The following NBEAL2 variants were observed in gnomAD, a reference collection of about 807,000 sequenced individuals.
The protein encoded by NBEAL2 is neurobeachin-like protein 2.
A neutral mutation model predicts 299.8 loss-of-function variants in NBEAL2; 160 were observed. That is an observed-to-expected ratio of 0.53 (90% CI 0.47 to 0.61). The LOEUF is 0.61. NBEAL2 is among the 20% of genes least tolerant of loss of function. NBEAL2 has a pLI of 0.00. For synonymous variants in NBEAL2, 1,493 were observed against 1,542.3 expected (o/e 0.97, Z 0.75); for missense variants, 3,112 against 3,649.0 (o/e 0.85, Z 3.79).
rs1014824620 is a variant in NBEAL2, at chr3:46,995,397, G to A, written c.1662G>A (p.Lys554=). Residue 554 remains lysine, a synonymous_variant, in exon 13 of 54, where the codon AAG becomes AAA. Transcript: ENST00000450053. ...DSEPGGAEAG[K]ARHAGAVIRT... ...AACCAGGCGGAGCTGAGGCTGGAAA[G>A]GCCCGACACGCAGGTGCTGTCATCC... The A allele has an allele frequency of 1.2e-6, 2 of 1,612,744 alleles. No homozygotes were observed. Among genetic ancestry groups the A allele is most frequent in the Admixed American group, 1.7e-5 (1 of 60,014 alleles).
rs1247178379 is a variant in NBEAL2 at position 46,991,942 on chromosome 3, G to T, written c.1028G>T (p.Ser343Ile). 1.3e-6 allele frequency: 2 copies of T among 1,595,178 alleles called. No homozygotes were observed. The highest frequency in any genetic ancestry group is 2.7e-5 in the African/African-American group (2 of 74,688). Residue 343 changes from serine (S) to isoleucine (I), a missense_variant, in exon 9 of 54, where the codon AGC becomes ATC. Ser to Ile is a moderately radical substitution (Grantham distance 142, BLOSUM62 -2). Transcript: ENST00000450053. This position sits in a 1 kb window ranked among gnomAD's most constrained non-coding sequence, Gnocchi z 6.2. Reference sequence around the variant, plus strand: ...CACCTCACTCGGCTCATTCAGAACAGCAAGGTGGGTAGGGCCCAGCCTGGG... The same window carrying T: ...CACCTCACTCGGCTCATTCAGAACATCAAGGTGGGTAGGGCCCAGCCTGGG... ...FEHLTRLIQN[S>I]KLYLQSRAPP... is the part of the protein sequence containing the mutation.
At chr3:46,983,378 C>T (rs921041308) in intron 1 of NBEAL2, among the ~76,000 whole-genome samples, 7 of 147,860 alleles carry the variant, frequency 4.7e-5, no homozygotes, top group Non-Finnish European at 1.0e-4. Context: ...GGCATGGTCT[C>T]AGTTCACTGC....
chr3:47,002,064 G>C lies in NBEAL2; in HGVS notation c.4927G>C (p.Asp1643His). The change falls in exon 31 of 54, where the codon GAT (aspartate) becomes CAT (histidine). Residue 1643 changes from aspartate (D) to histidine (H), a missense_variant. By Grantham distance (81) the Asp-to-His change is moderately conservative. Coordinates refer to ENST00000450053, the MANE Select transcript of NBEAL2 (RefSeq NM_015175.3). ...LNTSSLESATDEAGSPLAAAA... is the reference protein window; with the variant it reads ...LNTSSLESATHEAGSPLAAAA... ...CACCTCTTCCTTGGAGTCAGCCACT[G>C]ATGAGGCAGGGTCCCCACTTGCAGC... 1 of 1,552,960 alleles carries C rather than the reference G, an allele frequency of 6.4e-7. No homozygotes were observed. The highest frequency in any genetic ancestry group is 1.2e-5 in the South Asian group (1 of 84,816).
At position 47,001,989 on chromosome 3, in the gene NBEAL2, G is replaced by A. The variant is rs768211103; in HGVS notation, c.4852G>A (p.Ala1618Thr). ...TGCAGTGCCAGCCCGCCGCGAGGAG[G>A]CCTGCTATGTGCTCTCCAAGCTGGA... ...QTAVPARREE[A>T]CYVLSKLEAA... is the part of the protein sequence containing the mutation. Residue 1618 changes from alanine to threonine, a missense_variant, in exon 31 of 54, where the codon GCC (alanine) becomes ACC (threonine). This residue lies in a region of NBEAL2 where 2,243 missense variants were observed against 2,538.1 expected (regional missense o/e 0.88). Coordinates refer to ENST00000450053, the MANE Select transcript of NBEAL2 (RefSeq NM_015175.3). The surrounding 1 kb of genome is among the most constrained non-coding windows in gnomAD (Gnocchi z 6.1). 6 of 1,606,016 alleles carry A rather than the reference G, an allele frequency of 3.7e-6. No individual in the cohort carries two copies. Among genetic ancestry groups the A allele is most frequent in the Non-Finnish European group, 5.1e-6 (6 of 1,176,838 alleles).
chr3:47,001,418 C>T lies in NBEAL2; in HGVS notation c.4624C>T (p.Gln1542Ter), dbSNP rs1036157619. Residue 1542 changes from glutamine to a stop codon, truncating the protein, a stop_gained, in exon 29 of 54, where the codon CAG (glutamine) becomes TAG (stop). Coordinates refer to ENST00000450053, the MANE Select transcript of NBEAL2 (RefSeq NM_015175.3). LOFTEE classifies it high-confidence loss of function. This position sits in a 1 kb window ranked among gnomAD's most constrained non-coding sequence, Gnocchi z 6.1. ...DFLCAEGHGN[Q>*]ELWSEKLFEG... ...CCTGTGTGCTGAAGGCCATGGTAAC[C>T]AGGAACTGTGGAGTGAGAAGGTGCG... 1 of 1,612,884 alleles carries T rather than the reference C, an allele frequency of 6.2e-7. No homozygotes were observed. Among genetic ancestry groups the T allele is most frequent in the Non-Finnish European group, 8.5e-7 (1 of 1,179,784 alleles).
chr3:46,991,985 C>T lies in NBEAL2; in HGVS notation c.1032+39C>T, dbSNP rs1331104626. The stretch of plus-strand genomic sequence containing the variant: ...AGCCTGGGGGTGAGGGTCTGGAAGC[C>T]AGAGGCTAGGGGAGCCACGCATAGG... On this transcript the variant is annotated intron_variant, in intron 9 of 53. Transcript: ENST00000450053. The surrounding 1 kb of genome is among the most constrained non-coding windows in gnomAD (Gnocchi z 6.2). 6.5e-7 allele frequency: 1 copy of T among 1,537,528 alleles called. No individual in the cohort carries two copies. The highest frequency in any genetic ancestry group is 1.4e-5 in the African/African-American group (1 of 73,054).
At position 47,005,858 on chromosome 3, in the gene NBEAL2, A is replaced by G; in HGVS notation, c.6801+11A>G. On this transcript the variant is annotated intron_variant, in intron 42 of 53. Coordinates refer to ENST00000450053, the MANE Select transcript of NBEAL2 (RefSeq NM_015175.3). ...CACCGCCAGGCTCTGGTGAGGAAGG[A>G]ACCACAGGCAAACGGCAGGCAGCCG... The G allele has an allele frequency of 1.2e-6, 2 of 1,613,150 alleles. No individual in the cohort carries two copies. The highest frequency in any genetic ancestry group is 1.7e-6 in the Non-Finnish European group (2 of 1,179,594).
In NBEAL2 at chr3:46,997,550, A is replaced by G; in HGVS notation, c.2825-11A>G. Reference sequence around the variant, plus strand: ...TTGACACACATCTGTCCCCTTCCTGATGGCTGGCAGAGGAACGGATGGAGA... The same window carrying G: ...TTGACACACATCTGTCCCCTTCCTGGTGGCTGGCAGAGGAACGGATGGAGA... On this transcript the variant is annotated splice_polypyrimidine_tract_variant and intron_variant, in intron 19 of 53. Coordinates refer to ENST00000450053, the MANE Select transcript of NBEAL2 (RefSeq NM_015175.3). The G allele has an allele frequency of 6.3e-7, 1 of 1,586,466 alleles. No individual in the cohort carries two copies. Among genetic ancestry groups the G allele is most frequent in the Non-Finnish European group, 8.6e-7 (1 of 1,160,444 alleles).
rs1172922173 is a variant in NBEAL2 at position 46,996,276 on chromosome 3, C to T, written c.2157C>T (p.Phe719=). 5 of 1,606,462 alleles carry T rather than the reference C, an allele frequency of 3.1e-6. No individual in the cohort carries two copies. The highest frequency in any genetic ancestry group is 4.2e-6 in the Non-Finnish European group (5 of 1,179,806). ...CCCCAACCCCGGCCCCACAGCCTTT[C>T]TCCTCCTGCTGTATCGGCTCCGCTG... ...PLRCPSLSEP[F]SSCCIGSAGY... The change falls in exon 16 of 54, where the codon TTC becomes TTT. Residue 719 remains phenylalanine, a synonymous_variant. Coordinates refer to ENST00000450053, the MANE Select transcript of NBEAL2 (RefSeq NM_015175.3).
In NBEAL2 at chr3:46,995,080, G is replaced by A. The variant is rs766537196; in HGVS notation, c.1345G>A (p.Glu449Lys). The A allele has an allele frequency of 6.4e-6, 10 of 1,562,178 alleles. No homozygotes were observed. The highest frequency in any genetic ancestry group is 8.7e-6 in the Non-Finnish European group (10 of 1,151,160). Residue 449 changes from glutamate to lysine, a missense_variant, in exon 13 of 54, where the codon GAG becomes AAG. Physicochemically the swap from Glu to Lys is moderately conservative, Grantham distance 56 (BLOSUM62 1). Coordinates refer to ENST00000450053, the MANE Select transcript of NBEAL2 (RefSeq NM_015175.3). ...SMCPPPPIRN[E>K]QPVLVLAQWL... ...GTGCCCACCTCCACCAATCCGCAAC[G>A]AGCAGCCGGTACTGGTGCTGGCGCA...
At chr3:46,985,755 G>T (rs1036090932) in intron 1 of NBEAL2, among the ~76,000 whole-genome samples, 1 of 152,220 alleles carries the variant, frequency 6.6e-6, no homozygotes, top group Non-Finnish European at 1.5e-5. Flanking sequence ...TTCAGTGGGG[G>T]ACAGGGTTGG....
At chr3:46,993,168 G>C (rs879901965) in intron 10 of NBEAL2, among the ~76,000 whole-genome samples, 1 of 152,194 alleles carries the variant, frequency 6.6e-6, no homozygotes, top group Non-Finnish European at 1.5e-5. Flanking sequence ...GAGCTTACAC[G>C]TCTATTCATC....
chr3:46,999,485 G>T lies in NBEAL2; in HGVS notation c.3703+11G>T, dbSNP rs755875288. On this transcript the variant is annotated intron_variant, in intron 25 of 53. Transcript: ENST00000450053. Reference sequence around the variant, plus strand: ...TGTTCCTGGGGGCAGGTACAACCTGGTTAAGGCCAAGTGGAGGGGGTGACA... The same window carrying T: ...TGTTCCTGGGGGCAGGTACAACCTGTTTAAGGCCAAGTGGAGGGGGTGACA... 7.6e-6 allele frequency: 12 copies of T among 1,579,998 alleles called. No individual in the cohort carries two copies. The highest frequency in any genetic ancestry group is 2.7e-5 in the African/African-American group (2 of 73,912).
At chr3:46,999,868 T>G (rs1422405885) in intron 26 of NBEAL2, 21 bp from the exon 27 acceptor site, 7 of 1,600,992 alleles carry the variant, frequency 4.4e-6, no homozygotes, top group Admixed American at 1.7e-5. Context: ...GCGTCCTCAC[T>G]TGCTGTGCTC....
At chr3:46,986,620 G>A (rs2035689873) in intron 1 of NBEAL2, among the ~76,000 whole-genome samples, 1 of 152,118 alleles carries the variant, frequency 6.6e-6, no homozygotes, top group Admixed American at 6.6e-5. Flanking sequence ...TTGACTGAGG[G>A]GCAGAAGAGA....
Position 47,001,538 on chromosome 3 carries a change from G to T in NBEAL2, c.4644+100G>T, listed in dbSNP as rs1429552656. 1 of 1,552,894 alleles carries T rather than the reference G, an allele frequency of 6.4e-7. No individual in the cohort carries two copies. Among genetic ancestry groups the T allele is most frequent in the Non-Finnish European group, 8.7e-7 (1 of 1,146,256 alleles). On this transcript the variant is annotated intron_variant, in intron 29 of 53. Coordinates refer to ENST00000450053, the MANE Select transcript of NBEAL2 (RefSeq NM_015175.3). This position sits in a 1 kb window ranked among gnomAD's most constrained non-coding sequence, Gnocchi z 6.1. The stretch of plus-strand genomic sequence containing the variant: ...GGTGGATGGGTACACGTGCGCAGGT[G>T]TGGGTGCATCAGCATGAATGCCTGT...
chr3:46,979,757 C>T lies in NBEAL2; in HGVS notation c.-105C>T. 3.0e-6 allele frequency: 1 copy of T among 337,140 alleles called. No homozygotes were observed. Among genetic ancestry groups the T allele is most frequent in the Non-Finnish European group, 5.4e-6 (1 of 186,476 alleles). The allele number at this position is 337,140 out of a possible 1,614,324, so 20.9% of individuals were successfully genotyped here. On this transcript the variant is annotated 5_prime_UTR_variant, in exon 1 of 54. Transcript: ENST00000450053. ...CCAGTAGTACCGCGCCGCTCCGCCCCGGAGTGACGCCCTCCGCCCATGGGC... is the reference window on the plus strand; with the variant it reads ...CCAGTAGTACCGCGCCGCTCCGCCCTGGAGTGACGCCCTCCGCCCATGGGC...
At position 46,988,012 on chromosome 3, in the gene NBEAL2, G is replaced by C. The variant is rs115488247; in HGVS notation, c.52-657G>C. ...TTCACACCAAAGTTTTCCTGGCAGCGCCTAGACCTGGGCTTAGCCACTGCC... is the reference window on the plus strand; with the variant it reads ...TTCACACCAAAGTTTTCCTGGCAGCCCCTAGACCTGGGCTTAGCCACTGCC... On this transcript the variant is annotated intron_variant, in intron 1 of 53. Coordinates refer to ENST00000450053, the MANE Select transcript of NBEAL2 (RefSeq NM_015175.3). The surrounding 1 kb of genome is among the most constrained non-coding windows in gnomAD (Gnocchi z 4.4). The C allele has an allele frequency of 5.7e-5, 73 of 1,277,736 alleles. No homozygotes were observed. Among genetic ancestry groups the C allele is most frequent in the Non-Finnish European group, 7.0e-5 (69 of 983,064 alleles). The allele number at this position is 1,277,736 out of a possible 1,614,324, so 79.1% of individuals were successfully genotyped here. A position where few individuals can be genotyped will look rare whatever the true frequency, so the allele number is the denominator to read the frequency against.
intron 1 of NBEAL2, chr3:46,981,914 C>A (rs1007864043): frequency 1.3e-5 from 2 of 152,306 alleles, no homozygotes; most frequent in Non-Finnish European, 2.9e-5. Context: ...TGAGCCTCCC[C>A]CTCCCGGAGC....
Sources: allele counts gnomAD v4.1 joint callset (sites outside exome capture counted in the v4.1 genomes callset), GRCh38; gene constraint gnomAD v4.1.1; regional missense constraint gnomAD v4.1.1; non-coding constraint Gnocchi (gnomAD v3.1); transcripts MANE v1.5; gene names NCBI Gene and HGNC (gene_info 2026-07-23, HGNC 2026-07-21).